KLHL30: variants seen among roughly 807,000 people sequenced by gnomAD.
KLHL30 encodes kelch like family member 30.
A neutral mutation model predicts 55.0 loss-of-function variants in KLHL30; 55 were observed. The observed-to-expected ratio is 1.00, with a 90% confidence interval of 0.80 to 1.25. The LOEUF (loss-of-function observed/expected upper bound fraction) is 1.25, where lower values mean the gene tolerates loss of function less well. KLHL30 is among the 50% of genes most tolerant of loss of function. The pLI is 0.00. For missense variants in KLHL30, 786 were observed against 811.6 expected (o/e 0.97, Z 0.38); for synonymous variants, 356 against 372.6 (o/e 0.96, Z 0.51).
At position 238,147,868 on chromosome 2, in the gene KLHL30, T is replaced by C. The variant is rs1692674894; in HGVS notation, c.1185T>C (p.Tyr395=). 1 of 1,575,680 alleles carries C rather than the reference T, an allele frequency of 6.3e-7. No individual in the cohort carries two copies. The highest frequency in any genetic ancestry group is 1.4e-5 in the African/African-American group (1 of 73,312). The part of the protein sequence containing the change: ...TTLDVVEVES[Y]DPYTDSWTPV... Reference sequence around the variant, plus strand: ...TGGACGTGGTGGAGGTGGAGAGCTATGACCCCTACACGGACAGCTGGACGC... The same window carrying C: ...TGGACGTGGTGGAGGTGGAGAGCTACGACCCCTACACGGACAGCTGGACGC... The change falls in exon 6 of 8, where the codon TAT becomes TAC. Residue 395 remains tyrosine, a synonymous_variant. Coordinates refer to ENST00000409223, the MANE Select transcript of KLHL30 (RefSeq NM_198582.4). This position sits in a 1 kb window ranked among gnomAD's most constrained non-coding sequence, Gnocchi z 5.8.
intron 7 of KLHL30, 60 bp from the exon 8 acceptor site, chr2:238,150,754 A>AC: frequency 2.6e-6 from 4 of 1,512,442 alleles, no homozygotes; most frequent in Non-Finnish European, 3.6e-6. Context: ...TGCTGAGGGC[A>AC]CCCTCAGCCC....
At position 238,151,834 on chromosome 2, in the gene KLHL30, C is replaced by G. The variant is rs1276903937; in HGVS notation, c.*769C>G. On this transcript the variant is annotated 3_prime_UTR_variant, in exon 8 of 8. Coordinates refer to ENST00000409223, the MANE Select transcript of KLHL30 (RefSeq NM_198582.4). The stretch of plus-strand genomic sequence containing the variant: ...CTCTCAGAAGGGATTGCCTCCGTCT[C>G]TGTGTGTCAGAACAAAGGCTCTTCA... 2 of 972,426 alleles carry G rather than the reference C, an allele frequency of 2.1e-6. No homozygotes were observed. Among genetic ancestry groups the G allele is most frequent in the Non-Finnish European group, 2.4e-6 (2 of 818,146 alleles). 60.2% of individuals were successfully genotyped at this position (972,426 alleles called of 1,614,324 possible).
chr2:238,151,503 C>A lies in KLHL30; in HGVS notation c.*438C>A. ...TGAGGCTGCTGGGGAAGGCAGGCCC[C>A]GGAGATGGGATCAGCACCAGGTCCT... is the stretch of plus-strand genomic sequence containing the variant. On this transcript the variant is annotated 3_prime_UTR_variant, in exon 8 of 8. Coordinates refer to ENST00000409223, the MANE Select transcript of KLHL30 (RefSeq NM_198582.4). 1 of 202,190 alleles carries A rather than the reference C, an allele frequency of 4.9e-6. No individual in the cohort carries two copies. The highest frequency in any genetic ancestry group is 1.0e-5 in the Non-Finnish European group (1 of 98,982). 12.5% of individuals were successfully genotyped at this position (202,190 alleles called of 1,614,324 possible). A position where few individuals can be genotyped will look rare whatever the true frequency, so the allele number is the denominator to read the frequency against.
In KLHL30 at chr2:238,144,909, G is replaced by C. The variant is rs1248601041; in HGVS notation, c.915G>C (p.Trp305Cys). 1.2e-6 allele frequency: 2 copies of C among 1,609,660 alleles called. 1 individual carries two copies. Among genetic ancestry groups the C allele is most frequent in the African/African-American group, 2.7e-5 (2 of 74,878 alleles). Residue 305 changes from tryptophan (W) to cysteine (C), a missense_variant, in exon 4 of 8, where the codon TGG becomes TGC. By Grantham distance (215) the Trp-to-Cys change is radical. Transcript: ENST00000409223. ...CCTCTCTCTTCCTGCCAGAGAGGTGGATGGCACTTCCAGACTTCCCCGACT... is the reference window on the plus strand; with the variant it reads ...CCTCTCTCTTCCTGCCAGAGAGGTGCATGGCACTTCCAGACTTCCCCGACT... ...FAFYNSKAKR[W>C]MALPDFPDYH...
intron 5 of KLHL30, among the ~76,000 whole-genome samples, chr2:238,146,721 A>C (rs1320465030): frequency 6.6e-6 from 1 of 151,486 alleles, no homozygotes; most frequent in Non-Finnish European, 1.5e-5. Flanking sequence ...AAAAAATAAA[A>C]AATAAAAAAA....
In KLHL30 at chr2:238,144,482, G is replaced by GGCAT. The variant is rs1217208743; in HGVS notation, c.908-417_908-414dup. Among the ~76,000 whole-genome samples, 9 of 148,818 alleles carry GGCAT rather than the reference G, an allele frequency of 6.0e-5. No homozygotes were observed. In the East Asian group the frequency reaches 1.4e-3, roughly 23 times the overall value. On this transcript the variant is annotated intron_variant, in intron 3 of 7. Coordinates refer to ENST00000409223, the MANE Select transcript of KLHL30 (RefSeq NM_198582.4). The stretch of plus-strand genomic sequence containing the variant: ...AGGCAGGCAGGCAGGCAGGCAGGCA[G>GGCAT]GCATGCTGTTGGTGTTATCACCCAC...
At chr2:238,150,512 C>T (rs1365966395) in intron 7 of KLHL30, among the ~76,000 whole-genome samples, 3 of 152,190 alleles carry the variant, frequency 2.0e-5, no homozygotes, top group African/African-American at 7.2e-5. Context: ...CTCAGTGAGG[C>T]CTCGAGTCAG....
Position 238,141,371 on chromosome 2 carries a change from A to AT in KLHL30, c.618dup (p.Asp207Ter). ...GAGGCCCTGATGCGCTGGGTGCGCCATGACCCGCAGGCCCGGGCCGCCCAC... is the reference window on the plus strand; with the variant it reads ...GAGGCCCTGATGCGCTGGGTGCGCCATTGACCCGCAGGCCCGGGCCGCCCAC... On this transcript the variant is annotated frameshift_variant, in exon 2 of 8. Transcript: ENST00000409223. LOFTEE classifies it high-confidence loss of function. The AT allele has an allele frequency of 6.3e-7, 1 of 1,597,712 alleles. No homozygotes were observed. The highest frequency in any genetic ancestry group is 8.5e-7 in the Non-Finnish European group (1 of 1,176,678).
At chr2:238,144,190 A>G (rs1322715319) in intron 3 of KLHL30, among the ~76,000 whole-genome samples, 4 of 152,200 alleles carry the variant, frequency 2.6e-5, no homozygotes. Flanking sequence ...AGTTCTGTGA[A>G]GTCCCCATAG....
rs1035339202 is a variant in KLHL30 at position 238,142,902 on chromosome 2, G to A, written c.878G>A (p.Gly293Glu). 6.0e-6 allele frequency: 9 copies of A among 1,504,484 alleles called. No individual in the cohort carries two copies. Among genetic ancestry groups the A allele is most frequent in the Admixed American group, 2.8e-5 (1 of 35,924 alleles). 93.2% of individuals were successfully genotyped at this position (1,504,484 alleles called of 1,614,324 possible). A position where few individuals can be genotyped will look rare whatever the true frequency, so the allele number is the denominator to read the frequency against. Reference protein sequence around the residue: ...EAGEEPTPGLGNFAFYNSKAK... With the variant: ...EAGEEPTPGLENFAFYNSKAK... ...GGTGAGGAGCCCACCCCCGGCCTTG[G>A]GAACTTTGCCTTCTACAACAGCAAG... The change falls in exon 3 of 8, where the codon GGG becomes GAG. Residue 293 changes from glycine to glutamate, a missense_variant. Transcript: ENST00000409223.
At position 238,152,267 on chromosome 2, in the gene KLHL30, T is replaced by G; in HGVS notation, c.*1202T>G. On this transcript the variant is annotated 3_prime_UTR_variant, in exon 8 of 8. Coordinates refer to ENST00000409223, the MANE Select transcript of KLHL30 (RefSeq NM_198582.4). ...CGCCCCTGGGGACCAGAGGGGCCTC[T>G]GACATCCTTGGGTTCTGAGGACGGA... 4 of 967,590 alleles carry G rather than the reference T, an allele frequency of 4.1e-6. No homozygotes were observed. Among genetic ancestry groups the G allele is most frequent in the Non-Finnish European group, 4.9e-6 (4 of 814,014 alleles). 59.9% of individuals were successfully genotyped at this position (967,590 alleles called of 1,614,324 possible).
intron 1 of KLHL30, 137 bp downstream of exon 1, chr2:238,138,895 T>G (rs1692480404): frequency 6.6e-6 from 1 of 152,264 alleles, no homozygotes; most frequent in African/African-American, 2.4e-5. Context: ...CCCTGGCCCT[T>G]GCCAGCGGCC....
At chr2:238,150,741 C>T in intron 7 of KLHL30, 73 bp from the exon 8 acceptor site, 1 of 1,497,684 alleles carries the variant, frequency 6.7e-7, no homozygotes. Context: ...ACTCCCCCGA[C>T]CCTGCTGAGG....
At position 238,141,252 on chromosome 2, in the gene KLHL30, A is replaced by T; in HGVS notation, c.498A>T (p.Ala166=). The change falls in exon 2 of 8, where the codon GCA becomes GCT. Residue 166 remains alanine (A), a synonymous_variant. Coordinates refer to ENST00000409223, the MANE Select transcript of KLHL30 (RefSeq NM_198582.4). ...AFLRENFEAV[A]REDEFLQLPR... is the part of the protein sequence containing the mutation. The stretch of plus-strand genomic sequence containing the variant: ...TGCGAGAGAACTTTGAGGCTGTGGC[A>T]CGTGAGGACGAGTTCCTGCAGCTTC... The T allele has an allele frequency of 6.2e-7, 1 of 1,606,186 alleles. No individual in the cohort carries two copies. The highest frequency in any genetic ancestry group is 8.5e-7 in the Non-Finnish European group (1 of 1,179,462).
intron 1 of KLHL30, among the ~76,000 whole-genome samples, chr2:238,138,962 C>T (rs1235607244): frequency 7.9e-5 from 12 of 152,182 alleles, no homozygotes; most frequent in South Asian, 4.1e-4. Flanking sequence ...ATGTCCCAGC[C>T]GGAGAGGTGG....
intron 3 of KLHL30, among the ~76,000 whole-genome samples, chr2:238,144,432 A>AAGGAAGGCAGGCAGGCAGGC (rs1692608040): frequency 1.1e-4 from 9 of 82,378 alleles, no homozygotes; most frequent in Non-Finnish European, 1.3e-4. Flanking sequence ...GGAAGGAAGG[A>AAGGAAGGCAGGCAGGCAGGC]AGGCAGGCAG....
At chr2:238,143,815 C>T (rs1692584427) in intron 3 of KLHL30, among the ~76,000 whole-genome samples, 2 of 152,204 alleles carry the variant, frequency 1.3e-5, no homozygotes, top group African/African-American at 4.8e-5. Flanking sequence ...CTGTTGACGG[C>T]TGGGCAACCC....
rs1692667197 is a variant in KLHL30 at position 238,147,444 on chromosome 2, G to C, written c.1151-390G>C. 6.6e-6 allele frequency among the ~76,000 whole-genome samples: 1 copy of C among 152,134 alleles called. No homozygotes were observed. The highest frequency in any genetic ancestry group is 1.5e-5 in the Non-Finnish European group (1 of 68,002). On this transcript the variant is annotated intron_variant, in intron 5 of 7. Transcript: ENST00000409223. This position sits in a 1 kb window ranked among gnomAD's most constrained non-coding sequence, Gnocchi z 5.8. ...TGGGACTGGGAGGGAGCTGCCTACA[G>C]CTCCAGGGTCTCGCAACCCGCCCTC... is the stretch of plus-strand genomic sequence containing the variant.
At chr2:238,144,412 A>AGGCAGGCAGGCAGGCAGGC (rs1692601535) in intron 3 of KLHL30, among the ~76,000 whole-genome samples, 3 of 115,408 alleles carry the variant, frequency 2.6e-5, no homozygotes, top group Admixed American at 1.6e-4. Flanking sequence ...GGAAGGAAGG[A>AGGCAGGCAGGCAGGCAGGC]AGGAAGGAAG....
Sources: gnomAD v4.1 joint callset for allele counts (sites outside exome capture counted in the v4.1 genomes callset) on GRCh38, gnomAD v4.1.1 for gene constraint, Gnocchi (gnomAD v3.1) non-coding constraint, MANE v1.5 for transcripts, NCBI Gene and HGNC (gene_info 2026-07-23, HGNC 2026-07-21) for gene names.